Variants in ZNF99 observed in about 807,000 individuals in gnomAD.
ZNF99 encodes zinc finger protein 99, also known as zinc finger protein ENSP00000375192.
Under a neutral mutation model 12.8 loss-of-function variants are expected in ZNF99, and 8 were observed. The observed-to-expected ratio is 0.62, with a 90% confidence interval of 0.37 to 1.13. The LOEUF (loss-of-function observed/expected upper bound fraction) is 1.13, where lower values mean the gene tolerates loss of function less well. Ranked by LOEUF, ZNF99 falls within the 50% of genes most tolerant of loss-of-function variation. ZNF99 has a pLI of 0.02. For synonymous variants in ZNF99, 318 were observed against 319.0 expected, an observed-to-expected ratio of 1.00 and a Z score of 0.03; for missense variants, 1,007 against 1,006.2, an observed-to-expected ratio of 1.00 and a Z score of -0.01.
Position 22,755,800 on chromosome 19 carries a change from G to T in ZNF99, c.*1514C>A. On this transcript the variant is annotated 3_prime_UTR_variant, in exon 4 of 4. Coordinates refer to ENST00000596209, the MANE Select transcript of ZNF99 (RefSeq NM_001080409.3). ...CTCACATTTGAAGGGTTTATCTTCA[G>T]TATGAATTATCTTACATTCAGTAAG... is the stretch of plus-strand genomic sequence containing the variant. 1 of 329,386 alleles carries T rather than the reference G, an allele frequency of 3.0e-6. No individual in the cohort carries two copies. Among genetic ancestry groups the T allele is most frequent in the South Asian group, 2.9e-5 (1 of 34,218 alleles). The allele number at this position is 329,386 out of a possible 1,614,324, so 20.4% of individuals were successfully genotyped here.
rs147474439 is a variant in ZNF99 at position 22,760,527 on chromosome 19, G to A, written c.227-845C>T. Among the ~76,000 whole-genome samples, 1,101 of 152,166 alleles carry A rather than the reference G, an allele frequency of 7.2e-3. 13 individuals carry two copies. Among genetic ancestry groups the A allele is most frequent in the African/African-American group, 0.025 (1,058 of 41,528 alleles). On this transcript the variant is annotated intron_variant, in intron 3 of 3. Transcript: ENST00000596209. ...TGAGAGGCCTAGGTGGGCAGATCAC[G>A]AGGTCAGGAGATCGAGACCATTCTG...
chr19:22,782,380 A>G (rs574318169), intron 1 of ZNF99, among the ~76,000 whole-genome samples: 2 of 151,540 alleles, frequency 1.3e-5, no homozygotes, highest in East Asian at 1.9e-4. Context: ...TTTTTAAGAC[A>G]GTTTCGGTCT....
Position 22,756,496 on chromosome 19 carries a change from C to A in ZNF99, c.*818G>T, listed in dbSNP as rs376895834. ...ATGAATTATCCTATGTTTAGTAAGG[C>A]GTGAGAAATGGCTAAAAGCTTTGCC... On this transcript the variant is annotated 3_prime_UTR_variant, in exon 4 of 4. Transcript: ENST00000596209. 3 of 1,589,184 alleles carry A rather than the reference C, an allele frequency of 1.9e-6. No individual in the cohort carries two copies. Among genetic ancestry groups the A allele is most frequent in the Non-Finnish European group, 2.6e-6 (3 of 1,171,462 alleles).
Position 22,752,743 on chromosome 19 carries a change from C to T in ZNF99, c.*4571G>A, listed in dbSNP as rs1972986132. 1 of 152,050 alleles carries T rather than the reference C, an allele frequency of 6.6e-6. No individual in the cohort carries two copies. The highest frequency in any genetic ancestry group is 2.4e-5 in the African/African-American group (1 of 41,420). The allele number at this position is 152,050 out of a possible 1,614,324, so 9.4% of individuals were successfully genotyped here. On this transcript the variant is annotated 3_prime_UTR_variant, in exon 4 of 4. Coordinates refer to ENST00000596209, the MANE Select transcript of ZNF99 (RefSeq NM_001080409.3). ...AAAAATGTTTAAAAAATTAAGTTTACATATAATCTAAAAATTTATGAATGT... is the reference window on the plus strand; with the variant it reads ...AAAAATGTTTAAAAAATTAAGTTTATATATAATCTAAAAATTTATGAATGT...
intron 1 of ZNF99, among the ~76,000 whole-genome samples, chr19:22,780,777 A>G (rs1973378840): frequency 6.6e-6 from 1 of 150,896 alleles, no homozygotes; most frequent in South Asian, 2.1e-4. Context: ...TGAAACTCAG[A>G]TAGCAAAGTA....
Position 22,757,402 on chromosome 19 carries a change from T to C in ZNF99, c.2507A>G (p.Lys836Arg), listed in dbSNP as rs753349190. The C allele has an allele frequency of 6.2e-7, 1 of 1,609,028 alleles. No individual in the cohort carries two copies. Among genetic ancestry groups the C allele is most frequent in the Non-Finnish European group, 8.5e-7 (1 of 1,178,696 alleles). The change falls in exon 4 of 4, where the codon AAG becomes AGG. Residue 836 changes from lysine to arginine, a missense_variant. Transcript: ENST00000596209. ...AGGGTTTCTCTCCATATGAATTACC[T>C]TATGTAAAGTAAGTTTTGAGGACCA... ...FQWSSKLTLH[K>R]VIHMERNPAN... is the part of the protein sequence containing the mutation.
rs1318988880 is a variant in ZNF99, at chr19:22,755,975, T to C, written c.*1339A>G. ...TTGTAGGGTTTTCCTCCAGTATCAA[T>C]TATTTTATGTGTATTTAAGGTGTGA... On this transcript the variant is annotated 3_prime_UTR_variant, in exon 4 of 4. Coordinates refer to ENST00000596209, the MANE Select transcript of ZNF99 (RefSeq NM_001080409.3). 15 of 569,218 alleles carry C rather than the reference T, an allele frequency of 2.6e-5. No homozygotes were observed. The highest frequency in any genetic ancestry group is 4.2e-5 in the Non-Finnish European group (14 of 330,758). 35.3% of individuals were successfully genotyped at this position (569,218 alleles called of 1,614,324 possible). A position where few individuals can be genotyped will look rare whatever the true frequency, so the allele number is the denominator to read the frequency against.
Position 22,756,414 on chromosome 19 carries a change from G to A in ZNF99, c.*900C>T, listed in dbSNP as rs967254787. The A allele has an allele frequency of 3.1e-6, 5 of 1,588,886 alleles. No homozygotes were observed. The highest frequency in any genetic ancestry group is 1.7e-5 in the Admixed American group (1 of 58,862). ...GAATGAATTATCTTATGTTTAGTAA[G>A]GTTTGAGGACTAAATGCTTTACCAC... On this transcript the variant is annotated 3_prime_UTR_variant, in exon 4 of 4. Coordinates refer to ENST00000596209, the MANE Select transcript of ZNF99 (RefSeq NM_001080409.3).
At chr19:22,773,204 GAA>G (rs1973291583) in intron 1 of ZNF99, among the ~76,000 whole-genome samples, 1 of 152,196 alleles carries the variant, frequency 6.6e-6, no homozygotes, top group South Asian at 2.1e-4. Flanking sequence ...GCCTGAGAGG[GAA>G]AGTTTCCTCT....
chr19:22,754,066 G>A lies in ZNF99; in HGVS notation c.*3248C>T, dbSNP rs1392699290. On this transcript the variant is annotated 3_prime_UTR_variant, in exon 4 of 4. Transcript: ENST00000596209. ...GATTTGATAACTTATTAAAAACTTT[G>A]CCACATTCGACCGGGCTCAATGGCT... 1 of 455,844 alleles carries A rather than the reference G, an allele frequency of 2.2e-6. No individual in the cohort carries two copies. Among genetic ancestry groups the A allele is most frequent in the South Asian group, 1.5e-5 (1 of 64,548 alleles). The allele number at this position is 455,844 out of a possible 1,614,324, so 28.2% of individuals were successfully genotyped here. A position where few individuals can be genotyped will look rare whatever the true frequency, so the allele number is the denominator to read the frequency against.
At position 22,766,629 on chromosome 19, in the gene ZNF99, G is replaced by A. The variant is rs191385365; in HGVS notation, c.226+1676C>T. Among the ~76,000 whole-genome samples, 34 of 151,358 alleles carry A rather than the reference G, an allele frequency of 2.2e-4. No individual in the cohort carries two copies. In the East Asian group the frequency reaches 6.5e-3, roughly 29 times the overall value. ...TGGGATTACAGGCATGAGCCACCGT[G>A]CCCGGCATAACTTTATTTCTTATTT... On this transcript the variant is annotated intron_variant, in intron 3 of 3. Transcript: ENST00000596209.
rs899992774 is a variant in ZNF99 at position 22,753,784 on chromosome 19, G to A, written c.*3530C>T. ...TGGCTTTTCCACATTCTTCATAGGT[G>A]TACATTTTTTTTCAAGTATAAATGC... On this transcript the variant is annotated 3_prime_UTR_variant, in exon 4 of 4. Transcript: ENST00000596209. 1 of 219,388 alleles carries A rather than the reference G, an allele frequency of 4.6e-6. No individual in the cohort carries two copies. The highest frequency in any genetic ancestry group is 2.3e-5 in the African/African-American group (1 of 43,076). The allele number at this position is 219,388 out of a possible 1,614,324, so 13.6% of individuals were successfully genotyped here. A position where few individuals can be genotyped will look rare whatever the true frequency, so the allele number is the denominator to read the frequency against.
At chr19:22,771,603 AG>A (rs2145153749) in intron 1 of ZNF99, among the ~76,000 whole-genome samples, 1 of 151,592 alleles carries the variant, frequency 6.6e-6, no homozygotes, top group African/African-American at 2.4e-5. Flanking sequence ...TGGAGAACAC[AG>A]ATGGAGCCTC....
At chr19:22,776,349 T>G (rs1254205249) in intron 1 of ZNF99, among the ~76,000 whole-genome samples, 2 of 97,436 alleles carry the variant, frequency 2.1e-5, no homozygotes, top group Non-Finnish European at 3.8e-5. Flanking sequence ...AGGCTTCATC[T>G]CAATTAAAAA....
At position 22,756,338 on chromosome 19, in the gene ZNF99, G is replaced by C. The variant is rs375904401; in HGVS notation, c.*976C>G. The C allele has an allele frequency of 9.3e-5, 148 of 1,592,128 alleles. 4 individuals carry two copies. The highest frequency in any genetic ancestry group is 1.2e-4 in the Non-Finnish European group (143 of 1,171,958). The stretch of plus-strand genomic sequence containing the variant: ...TGTTTTATGTTGAGTAAGGTGTGAG[G>C]ACTGGTTAAAGGCTTTGCCACATTC... On this transcript the variant is annotated 3_prime_UTR_variant, in exon 4 of 4. Transcript: ENST00000596209.
chr19:22,772,674 T>C (rs545757016), intron 1 of ZNF99, among the ~76,000 whole-genome samples: 46 of 146,852 alleles, frequency 3.1e-4, no homozygotes, highest in Non-Finnish European at 5.7e-4. Flanking sequence ...CGAAATTCTG[T>C]CTCAAAAAAA....
At chr19:22,780,785 G>C (rs533635030) in intron 1 of ZNF99, among the ~76,000 whole-genome samples, 2 of 150,810 alleles carry the variant, frequency 1.3e-5, no homozygotes, top group East Asian at 3.9e-4. Flanking sequence ...AGATAGCAAA[G>C]TAATAGGATA....
At chr19:22,771,343 C>T (rs1224919799) in intron 1 of ZNF99, among the ~76,000 whole-genome samples, 1 of 145,474 alleles carries the variant, frequency 6.9e-6, no homozygotes, top group Non-Finnish European at 1.5e-5. Context: ...GCAAGCTCGG[C>T]CTCACGGATT....
chr19:22,769,637 G>T (rs1448201353), intron 1 of ZNF99, among the ~76,000 whole-genome samples: 2 of 151,834 alleles, frequency 1.3e-5, no homozygotes, highest in Non-Finnish European at 2.9e-5. Context: ...ATGGTGGTGG[G>T]TGCCTGTAGC....
Sources: allele counts gnomAD v4.1 joint callset (sites outside exome capture counted in the v4.1 genomes callset), GRCh38; gene constraint gnomAD v4.1.1; transcripts MANE v1.5; gene names NCBI Gene and HGNC (gene_info 2026-07-23, HGNC 2026-07-21).